BARHL2: variants seen among roughly 807,000 people sequenced by gnomAD.
The protein encoded by BARHL2 is BarH like homeobox 2.
In BARHL2, 10 loss-of-function variants were observed where a neutral mutation model predicts 27.1. The observed-to-expected ratio is 0.37, with a 90% CI of 0.23 to 0.63. BARHL2 has a LOEUF of 0.63. Among genes scored for constraint, BARHL2 ranks in the 20% least tolerant of loss-of-function variants. BARHL2 has a pLI of 0.65. For synonymous variants in BARHL2, 248 were observed against 224.7 expected, an observed-to-expected ratio of 1.10 and a Z score of -0.93; for missense variants, 483 against 533.5, an observed-to-expected ratio of 0.91 and a Z score of 0.93.
At position 90,716,448 on chromosome 1, in the gene BARHL2, C is replaced by T. The variant is rs1380373204; in HGVS notation, c.625+123G>A. 4 of 1,024,438 alleles carry T rather than the reference C, an allele frequency of 3.9e-6. No homozygotes were observed. In the African/African-American group the frequency reaches 4.8e-5, roughly 12 times the overall value. 63.5% of individuals were successfully genotyped at this position (1,024,438 alleles called of 1,614,324 possible). ...CCTTCAGCTGCAGTCTTTTGACCGT[C>T]GCCCAGTCGCCCGAGAAGCTCCTGG... On this transcript the variant is annotated intron_variant, in intron 1 of 2. Transcript: ENST00000370445.
intron 1 of BARHL2, among the ~76,000 whole-genome samples, chr1:90,715,768 C>T (rs906918041): frequency 6.6e-6 from 1 of 152,016 alleles, no homozygotes; most frequent in African/African-American, 2.4e-5. Flanking sequence ...CAAAGACTAC[C>T]ACATTTACTT....
intron 1 of BARHL2, among the ~76,000 whole-genome samples, chr1:90,715,075 T>C (rs1658116471): frequency 6.6e-6 from 1 of 152,102 alleles, no homozygotes; most frequent in African/African-American, 2.4e-5. Context: ...TTGTTATTGT[T>C]TCCTTGACTG....
At chr1:90,715,664 A>G (rs1199666101) in intron 1 of BARHL2, among the ~76,000 whole-genome samples, 1 of 152,156 alleles carries the variant, frequency 6.6e-6, no homozygotes, top group African/African-American at 2.4e-5. Context: ...CAGTCAGTAC[A>G]TTTCTTTACC....
At chr1:90,716,460 C>A in intron 1 of BARHL2, 111 bp downstream of exon 1, 3 of 1,207,132 alleles carry the variant, frequency 2.5e-6, no homozygotes, top group South Asian at 1.3e-5. Flanking sequence ...CCCAGTCGCC[C>A]GAGAAGCTCC....
chr1:90,714,368 G>A (rs1476629069), intron 2 of BARHL2, among the ~76,000 whole-genome samples, 163 bp downstream of exon 2: 1 of 152,202 alleles, frequency 6.6e-6, no homozygotes, highest in African/African-American at 2.4e-5. Context: ...TCTCACCTTG[G>A]GGGTGTGGCT....
At position 90,712,625 on chromosome 1, in the gene BARHL2, C is replaced by T; in HGVS notation, c.852-1G>A. On this transcript the variant is annotated splice_acceptor_variant, in intron 2 of 2. Coordinates refer to ENST00000370445, the MANE Select transcript of BARHL2 (RefSeq NM_020063.2). LOFTEE classifies it high-confidence loss of function. ...CGCTGTCTGCCGCTTCCACTTGGTC[C>T]TGAAAGAAAGCGGGTGTGCAGGCAC... 1 of 1,601,334 alleles carries T rather than the reference C, an allele frequency of 6.2e-7. No homozygotes were observed. Among genetic ancestry groups the T allele is most frequent in the Non-Finnish European group, 8.5e-7 (1 of 1,171,684 alleles).
In BARHL2 at chr1:90,712,259, C is replaced by T. The variant is rs951844898; in HGVS notation, c.*53G>A. 5 of 1,411,512 alleles carry T rather than the reference C, an allele frequency of 3.5e-6. No individual in the cohort carries two copies. Among genetic ancestry groups the T allele is most frequent in the South Asian group, 3.2e-5 (2 of 62,766 alleles). The allele number at this position is 1,411,512 out of a possible 1,614,324, so 87.4% of individuals were successfully genotyped here. ...AGCAGGGAGAGGACGGGCAGCAGTC[C>T]GGGTTGGGCAGGGATATGGGGAAGG... On this transcript the variant is annotated 3_prime_UTR_variant, in exon 3 of 3. Transcript: ENST00000370445.
rs1469056486 is a variant in BARHL2, at chr1:90,716,877, G to A, written c.319C>T (p.Pro107Ser). 9 of 1,580,860 alleles carry A rather than the reference G, an allele frequency of 5.7e-6. No individual in the cohort carries two copies. Among genetic ancestry groups the A allele is most frequent in the African/African-American group, 1.4e-5 (1 of 73,374 alleles). ...PAAAPTQSLQ[P>S]LPQQQQPLPP... is the part of the protein sequence containing the mutation. ...AGCGGCTGCTGCTGTTGGGGCAAAG[G>A]CTGCAAACTTTGCGTCGGGGCCGCG... is the stretch of plus-strand genomic sequence containing the variant. The change falls in exon 1 of 3, where the codon CCT becomes TCT. Residue 107 changes from proline to serine, a missense_variant. Pro to Ser is a moderately conservative substitution (Grantham distance 74). Around this residue, in one of 3 missense-constraint regions of BARHL2, gnomAD observed 304 missense variants for 284.9 expected, o/e 1.07. Coordinates refer to ENST00000370445, the MANE Select transcript of BARHL2 (RefSeq NM_020063.2).
chr1:90,712,277 G>A lies in BARHL2; in HGVS notation c.*35C>T, dbSNP rs754246199. Reference sequence around the variant, plus strand: ...AGCAGTCCGGGTTGGGCAGGGATATGGGGAAGGGATTGCAGTGCCTTCGCT... The same window carrying A: ...AGCAGTCCGGGTTGGGCAGGGATATAGGGAAGGGATTGCAGTGCCTTCGCT... On this transcript the variant is annotated 3_prime_UTR_variant, in exon 3 of 3. Transcript: ENST00000370445. 2 of 1,433,548 alleles carry A rather than the reference G, an allele frequency of 1.4e-6. No individual in the cohort carries two copies. The highest frequency in any genetic ancestry group is 1.5e-5 in the South Asian group (1 of 67,100). The allele number at this position is 1,433,548 out of a possible 1,614,324, so 88.8% of individuals were successfully genotyped here.
intron 2 of BARHL2, among the ~76,000 whole-genome samples, chr1:90,713,827 C>T (rs1658087429): frequency 6.6e-6 from 1 of 152,214 alleles, no homozygotes; most frequent in Non-Finnish European, 1.5e-5. Flanking sequence ...AGGAGCAGTG[C>T]CAGGCAGGCT....
chr1:90,715,267 A>G (rs1255821429), intron 1 of BARHL2, among the ~76,000 whole-genome samples: 1 of 143,702 alleles, frequency 7.0e-6, no homozygotes, highest in Non-Finnish European at 1.5e-5. Context: ...ACTTTTTCAG[A>G]TGCACTTGGG....
intron 1 of BARHL2, among the ~76,000 whole-genome samples, chr1:90,716,280 T>G (rs1416744306): frequency 6.6e-6 from 1 of 152,194 alleles, no homozygotes; most frequent in East Asian, 1.9e-4. Context: ...AAGTATTTCC[T>G]GTCGGATGCC....
Position 90,712,070 on chromosome 1 carries a change from G to C in BARHL2, c.*242C>G. 1 of 395,990 alleles carries C rather than the reference G, an allele frequency of 2.5e-6. No individual in the cohort carries two copies. Among genetic ancestry groups the C allele is most frequent in the South Asian group, 1.3e-4 (1 of 7,716 alleles). The allele number at this position is 395,990 out of a possible 1,614,324, so 24.5% of individuals were successfully genotyped here. A position where few individuals can be genotyped will look rare whatever the true frequency, so the allele number is the denominator to read the frequency against. ...CTGTGTGGGGTCAGCATTTTCACCAGTCACACTGCTGTGGGGGAGATTTCC... is the reference window on the plus strand; with the variant it reads ...CTGTGTGGGGTCAGCATTTTCACCACTCACACTGCTGTGGGGGAGATTTCC... On this transcript the variant is annotated 3_prime_UTR_variant, in exon 3 of 3. Coordinates refer to ENST00000370445, the MANE Select transcript of BARHL2 (RefSeq NM_020063.2).
chr1:90,714,986 A>T (rs1050740743), intron 1 of BARHL2, among the ~76,000 whole-genome samples: 2 of 152,186 alleles, frequency 1.3e-5, no homozygotes, highest in Non-Finnish European at 2.9e-5. Context: ...AAGGGGGTCT[A>T]AAAGGGTGTC....
chr1:90,714,513 C>G lies in BARHL2; in HGVS notation c.851+18G>C, dbSNP rs754755754. 6.2e-7 allele frequency: 1 copy of G among 1,612,478 alleles called. No homozygotes were observed. Among genetic ancestry groups the G allele is most frequent in the Non-Finnish European group, 8.5e-7 (1 of 1,178,516 alleles). On this transcript the variant is annotated intron_variant, in intron 2 of 2. Coordinates refer to ENST00000370445, the MANE Select transcript of BARHL2 (RefSeq NM_020063.2). ...TAAATGGCCAGACACCTTTGCTCCC[C>G]CAAAGTGCCTCCCTTACCTGCGGTT...
rs770520511 is a variant in BARHL2 at position 90,714,717 on chromosome 1, C to G, written c.665G>C (p.Arg222Pro). The change falls in exon 2 of 3, where the codon CGT (arginine) becomes CCT (proline). Residue 222 changes from arginine to proline, a missense_variant. This residue lies in a region of BARHL2 where 49 missense variants were observed against 110.6 expected (regional missense o/e 0.44). Transcript: ENST00000370445. ...EEGDREITSSRESPPVRAKKP... is the reference protein window; with the variant it reads ...EEGDREITSSPESPPVRAKKP... ...CTTGGCTCTCACAGGGGGACTCTCACGGCTACTCGTAATCTCCCGGTCTCC... is the reference window on the plus strand; with the variant it reads ...CTTGGCTCTCACAGGGGGACTCTCAGGGCTACTCGTAATCTCCCGGTCTCC... 5 of 1,614,072 alleles carry G rather than the reference C, an allele frequency of 3.1e-6. No homozygotes were observed. The highest frequency in any genetic ancestry group is 4.2e-6 in the Non-Finnish European group (5 of 1,180,048).
chr1:90,715,960 AGGCCATAG>A (rs1381333610), intron 1 of BARHL2, among the ~76,000 whole-genome samples: 8 of 152,188 alleles, frequency 5.3e-5, no homozygotes, highest in Admixed American at 5.2e-4. Context: ...TACTCAGTTG[AGGCCATAG>A]GGTAAGAAGG....
At chr1:90,714,421 G>A in intron 2 of BARHL2, 110 bp downstream of exon 2, 4 of 1,081,616 alleles carry the variant, frequency 3.7e-6, no homozygotes, top group Non-Finnish European at 5.5e-6. Flanking sequence ...CCCACTCCAG[G>A]GTCACTCTCA....
rs763394597 is a variant in BARHL2 at position 90,717,041 on chromosome 1, C to T, written c.155G>A (p.Cys52Tyr). Residue 52 changes from cysteine (C) to tyrosine (Y), a missense_variant, in exon 1 of 3, where the codon TGT becomes TAT. By Grantham distance (194) the Cys-to-Tyr change is radical (BLOSUM62 -2). Coordinates refer to ENST00000370445, the MANE Select transcript of BARHL2 (RefSeq NM_020063.2). ...CGTCCCTACGGTATCAATCTCCGAACAGGGAGATGGGGTGGCCTGACTCCT... is the reference window on the plus strand; with the variant it reads ...CGTCCCTACGGTATCAATCTCCGAATAGGGAGATGGGGTGGCCTGACTCCT... Reference protein sequence around the residue: ...DFRSQATPSPCSEIDTVGTAP... With the variant: ...DFRSQATPSPYSEIDTVGTAP... The T allele has an allele frequency of 1.9e-6, 3 of 1,613,948 alleles. No homozygotes were observed. Among genetic ancestry groups the T allele is most frequent in the Non-Finnish European group, 2.5e-6 (3 of 1,179,962 alleles).
Sources: gnomAD v4.1 joint callset for allele counts (sites outside exome capture counted in the v4.1 genomes callset) on GRCh38, gnomAD v4.1.1 for gene constraint, gnomAD v4.1.1 regional missense constraint, MANE v1.5 for transcripts, NCBI Gene and HGNC (gene_info 2026-07-23, HGNC 2026-07-21) for gene names.